The following PCDHGA6 variants were observed in gnomAD, a reference collection of about 807,000 sequenced individuals.
PCDHGA6 encodes protocadherin gamma-A6.
A neutral mutation model predicts 60.6 loss-of-function variants in PCDHGA6; 41 were observed. The ratio of observed to expected loss-of-function variants is 0.68; its 90% CI spans 0.53 to 0.88. The LOEUF (loss-of-function observed/expected upper bound fraction) is 0.88. Ranked by LOEUF, PCDHGA6 falls within the 40% of genes least tolerant of loss-of-function variation. The probability of loss-of-function intolerance (pLI) is 0.00; values close to 1 mark genes in which losing one functional copy is unlikely to be tolerated. For missense variants in PCDHGA6, 1,312 were observed against 1,203.0 expected, an observed-to-expected ratio of 1.09 and a Z score of -1.34; for synonymous variants, 594 against 524.4, an observed-to-expected ratio of 1.13 and a Z score of -1.81.
In PCDHGA6 at chr5:141,374,322, G is replaced by A; in HGVS notation, c.239G>A (p.Arg80Gln). ...GRMQLFSLNP[R>Q]NGSLVTAGRI... is the part of the protein sequence containing the mutation. ...ATGCAGCTTTTCTCTCTGAATCCGC[G>A]AAACGGCAGCTTGGTCACCGCGGGT... The change falls in exon 1 of 4, where the codon CGA becomes CAA. Residue 80 changes from arginine to glutamine, a missense_variant. Arg to Gln is a conservative substitution (Grantham distance 43). Transcript: ENST00000517434. 1 of 1,613,980 alleles carries A rather than the reference G, an allele frequency of 6.2e-7. No homozygotes were observed. Among genetic ancestry groups the A allele is most frequent in the Middle Eastern group, 1.7e-4 (1 of 6,060 alleles).
Position 141,394,314 on chromosome 5 carries a change from CT to C in PCDHGA6, c.2424+17808del, listed in dbSNP as rs772070804. On this transcript the variant is annotated intron_variant, in intron 1 of 3. Transcript: ENST00000517434. ...CGAGGACACGCTGCAGGGGGCGCCC[CT>C]GTCCTCGTATATCTCCATCAACTCT... 4.3e-6 allele frequency: 7 copies of C among 1,614,038 alleles called. 1 individual carries two copies. Among genetic ancestry groups the C allele is most frequent in the East Asian group, 4.5e-5 (2 of 44,882 alleles).
intron 1 of PCDHGA6, among the ~76,000 whole-genome samples, chr5:141,381,312 A>G (rs1365514844): frequency 1.3e-5 from 2 of 152,240 alleles, no homozygotes; most frequent in African/African-American, 4.8e-5. Flanking sequence ...ATTCTCTTTT[A>G]TTCTGCAACT....
At chr5:141,394,486 A>G (rs1446259630) in intron 1 of PCDHGA6, 2 of 1,613,980 alleles carry the variant, frequency 1.2e-6, no homozygotes, top group Non-Finnish European at 8.5e-7. Flanking sequence ...CAGAATGACA[A>G]CGCGCCCGAG....
At chr5:141,444,599 A>G (rs373366708) in intron 1 of PCDHGA6, among the ~76,000 whole-genome samples, 2 of 152,108 alleles carry the variant, frequency 1.3e-5, no homozygotes, top group African/African-American at 2.4e-5. Flanking sequence ...CCTTATTTAA[A>G]ATTGATTTTT....
At chr5:141,395,151 A>G in intron 1 of PCDHGA6, 1 of 1,612,516 alleles carries the variant, frequency 6.2e-7, no homozygotes, top group Non-Finnish European at 8.5e-7. Flanking sequence ...AGACATGCTC[A>G]TCAGTCAGGA....
chr5:141,378,017 A>G (rs1371705744), intron 1 of PCDHGA6: 1 of 152,202 alleles, frequency 6.6e-6, no homozygotes, highest in South Asian at 2.1e-4. Flanking sequence ...AGCTCTACTT[A>G]TATTATTTTT....
chr5:141,413,839 G>T (rs971599906), intron 1 of PCDHGA6: 1 of 1,613,310 alleles, frequency 6.2e-7, no homozygotes, highest in African/African-American at 1.3e-5. Flanking sequence ...CTCCGACGGG[G>T]GTGACCCTCT....
At chr5:141,415,574 A>G (rs1168111069) in intron 1 of PCDHGA6, 3 of 1,614,066 alleles carry the variant, frequency 1.9e-6, no homozygotes, top group Non-Finnish European at 8.5e-7. Flanking sequence ...TTGTTAGATG[A>G]TTCGAAGTTT....
chr5:141,409,407 A>G, intron 1 of PCDHGA6: 3 of 1,614,012 alleles, frequency 1.9e-6, no homozygotes, highest in Non-Finnish European at 2.5e-6. Flanking sequence ...AATAACTACT[A>G]CAAACTGGTG....
intron 1 of PCDHGA6, chr5:141,382,819 G>T (rs1449028360): frequency 3.1e-6 from 4 of 1,297,848 alleles, no homozygotes; most frequent in Non-Finnish European, 4.3e-6. Flanking sequence ...CCCTTCCTAA[G>T]ACAGAGGGGT....
chr5:141,446,458 G>A (rs2098502933), intron 1 of PCDHGA6, among the ~76,000 whole-genome samples: 1 of 151,662 alleles, frequency 6.6e-6, no homozygotes, highest in African/African-American at 2.4e-5. Flanking sequence ...TATTCAGTGT[G>A]TGATTAGACA....
intron 2 of PCDHGA6, among the ~76,000 whole-genome samples, chr5:141,504,143 C>A (rs2099835975): frequency 6.6e-6 from 1 of 152,136 alleles, no homozygotes; most frequent in Non-Finnish European, 1.5e-5. Flanking sequence ...CACTCCCCTG[C>A]AAATTGAAAT....
rs752088903 is a variant in PCDHGA6, at chr5:141,490,784, G to A, written c.2425-4023G>A. The A allele has an allele frequency of 1.7e-5, 27 of 1,613,906 alleles. No individual in the cohort carries two copies. The highest frequency in any genetic ancestry group is 1.2e-4 in the African/African-American group (9 of 74,922). The stretch of plus-strand genomic sequence containing the variant: ...GTGTATGTCAACCCAGAGGATGGAC[G>A]GATCTTTGCCCAGCGTACCTTTGAC... On this transcript the variant is annotated intron_variant, in intron 1 of 3. Transcript: ENST00000517434. This position sits in a 1 kb window ranked among gnomAD's most constrained non-coding sequence, Gnocchi z 5.4.
intron 2 of PCDHGA6, among the ~76,000 whole-genome samples, chr5:141,499,796 C>T (rs2099794539): frequency 6.6e-6 from 1 of 150,412 alleles, no homozygotes; most frequent in South Asian, 2.1e-4. Context: ...AAGCAATTCT[C>T]ATGCTTCAGC....
intron 1 of PCDHGA6, chr5:141,393,455 C>T (rs1007871650): frequency 2.1e-5 from 34 of 1,613,942 alleles, no homozygotes; most frequent in Non-Finnish European, 2.9e-5. Flanking sequence ...TCCTCACGGC[C>T]TCGGATGGCG....
intron 1 of PCDHGA6, among the ~76,000 whole-genome samples, chr5:141,446,325 T>G (rs1440954528): frequency 3.9e-5 from 6 of 152,124 alleles, no homozygotes; most frequent in African/African-American, 1.4e-4. Flanking sequence ...GTTTCCACAT[T>G]AAGGAACTGG....
At chr5:141,417,875 G>C (rs2096176700) in intron 1 of PCDHGA6, 2 of 1,556,360 alleles carry the variant, frequency 1.3e-6, no homozygotes, top group Non-Finnish European at 1.7e-6. Context: ...AGGGAGCTGC[G>C]CGCAGAGGCG....
At chr5:141,408,955 T>G in intron 1 of PCDHGA6, 1 of 1,613,616 alleles carries the variant, frequency 6.2e-7, no homozygotes, top group South Asian at 1.1e-5. Flanking sequence ...GAATTAGTCT[T>G]AGTGAAAATC....
In PCDHGA6 at chr5:141,505,090, A is replaced by C. The variant is rs1018571873; in HGVS notation, c.2484-303A>C. Among the ~76,000 whole-genome samples the C allele has an allele frequency of 3.9e-5, 6 of 152,188 alleles. 1 individual carries two copies. The South Asian group carries it at 1.2e-3, about 31-fold the overall frequency. ...GGCAGGAGAATCGCTTGAACCCAGG[A>C]GGTGGATGTTGCAATGAGCCAAGAT... On this transcript the variant is annotated intron_variant, in intron 2 of 3. Transcript: ENST00000517434.
Sources: allele counts gnomAD v4.1 joint callset (sites outside exome capture counted in the v4.1 genomes callset), GRCh38; gene constraint gnomAD v4.1.1; non-coding constraint Gnocchi (gnomAD v3.1); transcripts MANE v1.5; gene names NCBI Gene and HGNC (gene_info 2026-07-23, HGNC 2026-07-21).